NLK: variants seen among roughly 807,000 people sequenced by gnomAD.
NLK encodes serine/threonine-protein kinase NLK.
A neutral mutation model predicts 59.0 loss-of-function variants in NLK; 11 were observed. That is an observed-to-expected ratio of 0.19 (90% confidence interval 0.12 to 0.31). The LOEUF (loss-of-function observed/expected upper bound fraction) is 0.31. Among genes scored for constraint, NLK ranks in the 10% least tolerant of loss-of-function variants. The pLI, the probability that NLK is intolerant of heterozygous loss-of-function variation, is 1.00. For missense variants in NLK, 410 were observed against 661.1 expected (o/e 0.62, Z 4.16); for synonymous variants, 235 against 235.9 (o/e 1.00, Z 0.03).
intron 1 of NLK, among the ~76,000 whole-genome samples, chr17:28,108,562 A>G (rs1475887096): frequency 6.6e-6 from 1 of 152,222 alleles, no homozygotes; most frequent in Non-Finnish European, 1.5e-5. Flanking sequence ...ATGTTACTGT[A>G]TTTTAACAAT....
Position 28,185,833 on chromosome 17 carries a change from C to T in NLK, c.1236+568C>T, listed in dbSNP as rs552316807. Among the ~76,000 whole-genome samples the T allele has an allele frequency of 5.3e-5, 8 of 152,186 alleles. No homozygotes were observed. In the East Asian group the frequency reaches 1.2e-3, roughly 22 times the overall value. On this transcript the variant is annotated intron_variant, in intron 8 of 10. Coordinates refer to ENST00000407008, the MANE Select transcript of NLK (RefSeq NM_016231.5). The stretch of plus-strand genomic sequence containing the variant: ...GATTACAGATGTGAGCCACCGCGCC[C>T]GGCCAGGACACAAAGTTTTTTAAGG...
At chr17:28,124,534 A>C (rs1242392962) in intron 2 of NLK, among the ~76,000 whole-genome samples, 7 of 152,054 alleles carry the variant, frequency 4.6e-5, no homozygotes, top group African/African-American at 7.2e-5. Context: ...CTAAAAAAAA[A>C]CCACACACAC....
At chr17:28,194,447 A>C in intron 10 of NLK, 135 bp from the exon 11 acceptor site, 1 of 629,840 alleles carries the variant, frequency 1.6e-6, no homozygotes, top group Non-Finnish European at 2.7e-6. Context: ...AATAAATTCA[A>C]CTTCAAAGAA....
chr17:28,046,633 A>T (rs1357618831), intron 1 of NLK, among the ~76,000 whole-genome samples: 1 of 152,334 alleles, frequency 6.6e-6, no homozygotes, highest in Admixed American at 6.5e-5. Flanking sequence ...TGCAGTTCAC[A>T]TTTGCCAGAG....
Position 28,111,896 on chromosome 17 carries a change from GGTGTGTGTGTGTGT to G in NLK, c.459-10670_459-10657del, listed in dbSNP as rs747211468. Among the ~76,000 whole-genome samples, 612 of 67,564 alleles carry G rather than the reference GGTGTGTGTGTGTGT, an allele frequency of 9.1e-3. 6 individuals carry two copies. Among genetic ancestry groups the G allele is most frequent in the African/African-American group, 0.034 (559 of 16,342 alleles). The allele number at this position is 67,564 out of a possible 152,430, so 44.3% of individuals were successfully genotyped here. A position where few individuals can be genotyped will look rare whatever the true frequency, so the allele number is the denominator to read the frequency against. On this transcript the variant is annotated intron_variant, in intron 1 of 10. Transcript: ENST00000407008. ...TGTGTGTGTGTGTGTGTGTGTGTGT[GGTGTGTGTGTGTGT>G]GTGTGTGTGTGTGTGTGTGTGTGTG...
intron 1 of NLK, among the ~76,000 whole-genome samples, chr17:28,111,945 G>GTGTGTA (rs1567717164): frequency 7.5e-6 from 1 of 133,192 alleles, no homozygotes; most frequent in East Asian, 2.1e-4. Flanking sequence ...GTGTGTGTGT[G>GTGTGTA]TATGTGTAGG....
chr17:28,071,048 C>T (rs1277407493), intron 1 of NLK, among the ~76,000 whole-genome samples: 1 of 152,126 alleles, frequency 6.6e-6, no homozygotes, highest in Non-Finnish European at 1.5e-5. Flanking sequence ...GGGAGGGTCT[C>T]CTATGTATTA....
rs35759650 is a variant in NLK at position 28,043,088 on chromosome 17, C to A, written c.215C>A (p.Ala72Asp). The change falls in exon 1 of 11, where the codon GCT (alanine) becomes GAT (aspartate). Residue 72 changes from alanine to aspartate, a missense_variant. By Grantham distance (126) the Ala-to-Asp change is moderately radical. This residue lies in a region of NLK where 160 missense variants were observed against 171.0 expected (regional missense o/e 0.94). Transcript: ENST00000407008. ...HPVQQHTSSA[A>D]AAAAAAAAAA... ...GTACAGCAGCACACCTCTTCGGCAGCTGCGGCAGCCGCAGCAGCGGCTGCA... is the reference window on the plus strand; with the variant it reads ...GTACAGCAGCACACCTCTTCGGCAGATGCGGCAGCCGCAGCAGCGGCTGCA... The A allele has an allele frequency of 6.3e-7, 1 of 1,577,266 alleles. No individual in the cohort carries two copies.
At chr17:28,136,469 G>C (rs1331982542) in intron 3 of NLK, among the ~76,000 whole-genome samples, 1 of 152,162 alleles carries the variant, frequency 6.6e-6, no homozygotes, top group African/African-American at 2.4e-5. Context: ...ATTTAGCTTG[G>C]AGTACAAGAT....
chr17:28,131,325 T>G (rs1906506158), intron 2 of NLK, among the ~76,000 whole-genome samples: 1 of 151,876 alleles, frequency 6.6e-6, no homozygotes, highest in Non-Finnish European at 1.5e-5. Context: ...AAATAGAAAA[T>G]TTGAGAACTG....
chr17:28,200,696 C>T (rs1230180550), downstream of NLK, among the ~76,000 whole-genome samples: 2 of 152,220 alleles, frequency 1.3e-5, no homozygotes, highest in African/African-American at 4.8e-5. Flanking sequence ...GTTGGCCAGG[C>T]TGGCCTCGAA....
In NLK at chr17:28,161,208, C is replaced by G. The variant is rs201866205; in HGVS notation, c.693C>G (p.Val231=). ...LMQSDLHKII[V]SPQPLSSDHV... is the part of the protein sequence containing the mutation. Reference sequence around the variant, plus strand: ...AGAGTGACCTACATAAAATTATCGTCTCTCCTCAACCACTCAGCTCAGATC... The same window carrying G: ...AGAGTGACCTACATAAAATTATCGTGTCTCCTCAACCACTCAGCTCAGATC... Residue 231 remains valine (V), a synonymous_variant, in exon 4 of 11, where the codon GTC becomes GTG. Coordinates refer to ENST00000407008, the MANE Select transcript of NLK (RefSeq NM_016231.5). 2 of 1,612,058 alleles carry G rather than the reference C, an allele frequency of 1.2e-6. No homozygotes were observed. The highest frequency in any genetic ancestry group is 2.2e-5 in the East Asian group (1 of 44,854).
chr17:28,064,966 T>C (rs1254226075), intron 1 of NLK, among the ~76,000 whole-genome samples: 1 of 152,230 alleles, frequency 6.6e-6, no homozygotes, highest in Non-Finnish European at 1.5e-5. Context: ...CTTAGCACTT[T>C]CCATCTTTGT....
intron 1 of NLK, among the ~76,000 whole-genome samples, chr17:28,074,293 A>T (rs1339315975): frequency 2.0e-5 from 3 of 152,198 alleles, no homozygotes; most frequent in Non-Finnish European, 4.4e-5. Context: ...TTGCCTATGT[A>T]ACAAACCTGC....
intron 1 of NLK, chr17:28,047,985 T>A (rs1041926531): frequency 2.5e-6 from 1 of 398,290 alleles, no homozygotes; most frequent in African/African-American, 2.1e-5. Flanking sequence ...GCTGGATTCT[T>A]TGGGGGCTCT....
downstream of NLK, among the ~76,000 whole-genome samples, chr17:28,201,168 C>T (rs563014667): frequency 2.0e-5 from 3 of 152,148 alleles, no homozygotes; most frequent in Non-Finnish European, 2.9e-5. Context: ...TCAGCCTCCA[C>T]CTCCCAGGGT....
chr17:28,114,583 C>G (rs933675919), intron 1 of NLK, among the ~76,000 whole-genome samples: 1 of 152,106 alleles, frequency 6.6e-6, no homozygotes, highest in African/African-American at 2.4e-5. Context: ...CAATATTTTC[C>G]AGTGTAATTA....
At chr17:28,197,899 G>A (rs189803011), downstream of NLK, among the ~76,000 whole-genome samples, 76 of 152,286 alleles carry the variant, frequency 5.0e-4, no homozygotes, top group African/African-American at 1.8e-3. Context: ...AAAGGGGACT[G>A]ACTTTACTTC....
At chr17:28,152,683 G>C (rs916702194) in intron 3 of NLK, among the ~76,000 whole-genome samples, 3 of 152,194 alleles carry the variant, frequency 2.0e-5, no homozygotes. Flanking sequence ...GAGTGCGGTG[G>C]TGCAATCATG....
Sources: allele counts gnomAD v4.1 joint callset (sites outside exome capture counted in the v4.1 genomes callset), GRCh38; gene constraint gnomAD v4.1.1; regional missense constraint gnomAD v4.1.1; transcripts MANE v1.5; gene names NCBI Gene and HGNC (gene_info 2026-07-23, HGNC 2026-07-21).